Variants in HDAC9 observed in about 807,000 individuals in gnomAD.
The protein encoded by HDAC9 is MEF-2 interacting transcription repressor (MITR) protein.
A neutral mutation model predicts 139.4 loss-of-function variants in HDAC9; 41 were observed. That is an observed-to-expected ratio of 0.29 (90% CI 0.23 to 0.38). The LOEUF is 0.38. HDAC9 is among the 10% of genes least tolerant of loss of function. The probability of loss-of-function intolerance (pLI) is 1.00; values close to 1 mark genes in which losing one functional copy is unlikely to be tolerated. For missense variants in HDAC9, 1,147 were observed against 1,297.0 expected (o/e 0.88, Z 1.78); for synonymous variants, 517 against 476.2 (o/e 1.09, Z -1.12).
chr7:18,573,937 G>A (rs902440624), intron 2 of HDAC9, among the ~76,000 whole-genome samples: 10 of 152,214 alleles, frequency 6.6e-5, no homozygotes, highest in Non-Finnish European at 1.5e-4. Flanking sequence ...TGGCAAGCGG[G>A]AGGGTGTGTT....
At chr7:18,646,453 C>A (rs1787450315) in intron 9 of HDAC9, among the ~76,000 whole-genome samples, 1 of 152,076 alleles carries the variant, frequency 6.6e-6, no homozygotes, top group African/African-American at 2.4e-5. Flanking sequence ...GAGGCCATCA[C>A]AATTAATTTT....
At chr7:18,206,052 T>A (rs1791488966) in intron 2 of HDAC9, among the ~76,000 whole-genome samples, 1 of 152,182 alleles carries the variant, frequency 6.6e-6, no homozygotes, top group Non-Finnish European at 1.5e-5. Context: ...TTTGAATAGT[T>A]GCTTTTGAAA....
chr7:18,989,186 T>G (rs1335984380), intron 25 of HDAC9, among the ~76,000 whole-genome samples: 1 of 149,304 alleles, frequency 6.7e-6, no homozygotes, highest in African/African-American at 2.5e-5. Context: ...TGGCATGATT[T>G]TGCAGTGGCT....
intron 17 of HDAC9, among the ~76,000 whole-genome samples, chr7:18,824,369 G>A (rs1237918016): frequency 6.6e-6 from 1 of 152,178 alleles, no homozygotes; most frequent in Non-Finnish European, 1.5e-5. Context: ...AGATGACTAA[G>A]TGTATATGCA....
At chr7:18,792,296 G>A (rs1010769260) in intron 16 of HDAC9, among the ~76,000 whole-genome samples, 8 of 139,014 alleles carry the variant, frequency 5.8e-5, no homozygotes, top group Admixed American at 1.4e-4. Flanking sequence ...TTTGTTTTAT[G>A]CAGAATTTCT....
intron 21 of HDAC9, among the ~76,000 whole-genome samples, chr7:18,864,477 A>G (rs569054687): frequency 3.3e-5 from 5 of 152,224 alleles, no homozygotes; most frequent in African/African-American, 9.6e-5. Context: ...CTCAAAGGAT[A>G]TAAAGTTTCA....
At chr7:18,674,569 G>T (rs1024517389) in intron 12 of HDAC9, among the ~76,000 whole-genome samples, 5 of 151,864 alleles carry the variant, frequency 3.3e-5, no homozygotes, top group Non-Finnish European at 7.4e-5. Flanking sequence ...GTACTCTATT[G>T]TGTTCATCAT....
At chr7:18,610,685 G>A (rs1244380071) in intron 6 of HDAC9, among the ~76,000 whole-genome samples, 1 of 152,112 alleles carries the variant, frequency 6.6e-6, no homozygotes, top group Non-Finnish European at 1.5e-5. Context: ...AATGCGCTTG[G>A]CCTTTCCTAA....
chr7:18,863,607 GA>G (rs996299666), intron 21 of HDAC9, among the ~76,000 whole-genome samples: 1 of 152,068 alleles, frequency 6.6e-6, no homozygotes, highest in Admixed American at 6.6e-5. Context: ...TGAACAAAGA[GA>G]CAAACATTTC....
intron 12 of HDAC9, among the ~76,000 whole-genome samples, chr7:18,708,503 T>C (rs181121474): frequency 7.9e-4 from 120 of 152,318 alleles, no homozygotes; most frequent in African/African-American, 2.6e-3. Flanking sequence ...TCATAAGGGC[T>C]TTCTGCATAA....
At chr7:18,329,768 C>T (rs1800768176) in intron 1 of HDAC9, among the ~76,000 whole-genome samples, 1 of 151,762 alleles carries the variant, frequency 6.6e-6, no homozygotes, top group Admixed American at 6.6e-5. Context: ...CTCCATTTCA[C>T]ATTACACTCT....
intron 2 of HDAC9, among the ~76,000 whole-genome samples, chr7:18,211,117 A>G (rs927234708): frequency 6.6e-6 from 1 of 152,198 alleles, no homozygotes; most frequent in Non-Finnish European, 1.5e-5. Context: ...AAAAGGAGAA[A>G]ATGTCAGTTT....
At chr7:18,140,435 G>A (rs777146177) in intron 1 of HDAC9, among the ~76,000 whole-genome samples, 11 of 152,106 alleles carry the variant, frequency 7.2e-5, no homozygotes, top group Non-Finnish European at 1.3e-4. Context: ...GTCTTCCACC[G>A]AACTTTAAAA....
chr7:18,715,202 G>A (rs190063925), intron 12 of HDAC9, among the ~76,000 whole-genome samples: 9 of 150,502 alleles, frequency 6.0e-5, no homozygotes, highest in African/African-American at 1.9e-4. Context: ...GAGTTGAGCT[G>A]TGTGCTTCCT....
At chr7:18,620,843 T>C (rs1043890082) in intron 6 of HDAC9, among the ~76,000 whole-genome samples, 1 of 152,198 alleles carries the variant, frequency 6.6e-6, no homozygotes, top group Non-Finnish European at 1.5e-5. Context: ...CCATTTTTTT[T>C]CCCGATATGT....
At chr7:18,195,784 C>T (rs1231005418) in intron 2 of HDAC9, among the ~76,000 whole-genome samples, 1 of 152,108 alleles carries the variant, frequency 6.6e-6, no homozygotes, top group Non-Finnish European at 1.5e-5. Context: ...TATATGGGCT[C>T]TCATTCTTTA....
At chr7:18,279,387 C>A (rs1447532859) in intron 2 of HDAC9, among the ~76,000 whole-genome samples, 1 of 151,644 alleles carries the variant, frequency 6.6e-6, no homozygotes, top group East Asian at 1.9e-4. Flanking sequence ...ATATTTTGAT[C>A]TTTTCTACCC....
intron 16 of HDAC9, among the ~76,000 whole-genome samples, chr7:18,786,334 T>C (rs1791713189): frequency 6.6e-6 from 1 of 152,150 alleles, no homozygotes; most frequent in Non-Finnish European, 1.5e-5. Context: ...TATCCTCTTG[T>C]AGTCCCTCCA....
chr7:18,552,234 T>G (rs961276021), intron 2 of HDAC9, among the ~76,000 whole-genome samples: 1 of 152,180 alleles, frequency 6.6e-6, no homozygotes, highest in Non-Finnish European at 1.5e-5. Context: ...AAATATAAAT[T>G]ATTAGTAATG....
Sources: gnomAD v4.1 joint callset for allele counts (sites outside exome capture counted in the v4.1 genomes callset) on GRCh38, gnomAD v4.1.1 for gene constraint, MANE v1.5 for transcripts, NCBI Gene and HGNC (gene_info 2026-07-23, HGNC 2026-07-21) for gene names.